The following BRINP3 variants were observed in gnomAD, a reference collection of about 807,000 sequenced individuals.
The protein encoded by BRINP3 is BMP/retinoic acid inducible neural specific 3, also known as BMP/retinoic acid-inducible neural-specific protein 3.
In BRINP3, 19 loss-of-function variants were observed where a neutral mutation model predicts 71.0. That is an observed-to-expected ratio of 0.27 (90% CI 0.19 to 0.39). BRINP3 has a LOEUF of 0.39. Ranked by LOEUF, BRINP3 falls within the 10% of genes least tolerant of loss-of-function variation. The pLI, the probability that BRINP3 is intolerant of heterozygous loss-of-function variation, is 1.00. For synonymous variants in BRINP3, 380 were observed against 337.7 expected (o/e 1.13, Z -1.37); for missense variants, 959 against 940.8 (o/e 1.02, Z -0.25).
chr1:190,185,398 A>T (rs533473945), intron 6 of BRINP3, among the ~76,000 whole-genome samples: 2 of 152,274 alleles, frequency 1.3e-5, no homozygotes, highest in African/African-American at 2.4e-5. Context: ...CCACAATGAG[A>T]TAACATTTCA....
At chr1:190,104,875 A>G (rs1196157204) in intron 7 of BRINP3, among the ~76,000 whole-genome samples, 1 of 152,112 alleles carries the variant, frequency 6.6e-6, no homozygotes, top group Non-Finnish European at 1.5e-5. Flanking sequence ...TTGCTCTCCA[A>G]ATCTGTGCAA....
intron 2 of BRINP3, among the ~76,000 whole-genome samples, chr1:190,332,467 G>T (rs1467479562): frequency 6.6e-6 from 1 of 151,988 alleles, no homozygotes; most frequent in African/African-American, 2.4e-5. Context: ...TACATGTATG[G>T]ATTTCAAATA....
intron 3 of BRINP3, among the ~76,000 whole-genome samples, chr1:190,268,059 C>A (rs1398348513): frequency 6.6e-6 from 1 of 151,902 alleles, no homozygotes; most frequent in Non-Finnish European, 1.5e-5. Flanking sequence ...CCAACAGTAA[C>A]TATTAAAAAT....
chr1:190,393,859 A>C (rs1671409776), intron 2 of BRINP3, among the ~76,000 whole-genome samples: 1 of 151,532 alleles, frequency 6.6e-6, no homozygotes, highest in Non-Finnish European at 1.5e-5. Flanking sequence ...AGTTTTAAAA[A>C]GTGTTTTAAT....
chr1:190,289,995 C>T (rs1031579166), intron 2 of BRINP3, among the ~76,000 whole-genome samples: 2 of 152,016 alleles, frequency 1.3e-5, no homozygotes, highest in South Asian at 2.1e-4. Context: ...TAAATACACT[C>T]GGAATCATGA....
chr1:190,466,909 A>G (rs555924949), intron 1 of BRINP3, among the ~76,000 whole-genome samples: 1 of 151,786 alleles, frequency 6.6e-6, no homozygotes, highest in Middle Eastern at 3.4e-3. Flanking sequence ...TAAAAAAATT[A>G]TTGGAAATGT....
intron 7 of BRINP3, among the ~76,000 whole-genome samples, chr1:190,120,881 G>T (rs928020424): frequency 6.6e-6 from 1 of 151,954 alleles, no homozygotes; most frequent in Non-Finnish European, 1.5e-5. Context: ...TTAAACATAC[G>T]ATTTGAATTA....
chr1:190,317,125 T>C (rs1400896463), intron 2 of BRINP3, among the ~76,000 whole-genome samples: 3 of 145,680 alleles, frequency 2.1e-5, no homozygotes, highest in East Asian at 4.1e-4. Context: ...TGAGCCGAGA[T>C]TGGGCCACTG....
chr1:190,160,581 T>A, intron 7 of BRINP3, 87 bp downstream of exon 7: 1 of 1,050,656 alleles, frequency 9.5e-7, no homozygotes, highest in Non-Finnish European at 1.4e-6. Context: ...ATGATTTGTA[T>A]ATTAACACAC....
chr1:190,420,741 C>G (rs1453110177), intron 2 of BRINP3, among the ~76,000 whole-genome samples: 2 of 151,848 alleles, frequency 1.3e-5, no homozygotes, highest in Non-Finnish European at 2.9e-5. Context: ...AAAATTGAAG[C>G]ATCACAAATT....
chr1:190,159,889 G>A (rs1657198058), intron 7 of BRINP3, among the ~76,000 whole-genome samples: 1 of 151,824 alleles, frequency 6.6e-6, no homozygotes, highest in Admixed American at 6.6e-5. Flanking sequence ...CTAACCTTCA[G>A]GGTTTTTTTT....
chr1:190,429,401 A>T (rs1193577666), intron 2 of BRINP3, among the ~76,000 whole-genome samples: 1 of 152,196 alleles, frequency 6.6e-6, no homozygotes, highest in Non-Finnish European at 1.5e-5. Context: ...TAATGAAGTC[A>T]TGGTTTCCCC....
chr1:190,377,841 G>T (rs1670280722), intron 2 of BRINP3, among the ~76,000 whole-genome samples: 1 of 151,834 alleles, frequency 6.6e-6, no homozygotes, highest in African/African-American at 2.4e-5. Context: ...ACACTGAAAA[G>T]TACAAAATAT....
At chr1:190,477,403 T>A (rs1677568654) in intron 1 of BRINP3, 45 bp downstream of exon 1, 1 of 152,066 alleles carries the variant, frequency 6.6e-6, no homozygotes, top group Non-Finnish European at 1.5e-5. Flanking sequence ...TTATTAAAAA[T>A]AGCAATAGTT....
At chr1:190,236,690 G>T (rs1658551701) in intron 4 of BRINP3, among the ~76,000 whole-genome samples, 1 of 151,864 alleles carries the variant, frequency 6.6e-6, no homozygotes, top group African/African-American at 2.4e-5. Flanking sequence ...TTTGTTTAGA[G>T]AAATAATGTA....
chr1:190,132,968 T>G (rs1233771654), intron 7 of BRINP3, among the ~76,000 whole-genome samples: 2 of 152,024 alleles, frequency 1.3e-5, no homozygotes, highest in African/African-American at 4.8e-5. Flanking sequence ...CTCCTGCCAA[T>G]AGTCATGCTA....
At chr1:190,420,291 C>T (rs929073530) in intron 2 of BRINP3, among the ~76,000 whole-genome samples, 1 of 151,896 alleles carries the variant, frequency 6.6e-6, no homozygotes, top group African/African-American at 2.4e-5. Context: ...GAATGTACAC[C>T]TTTAACAAGA....
chr1:190,474,683 C>G (rs1677379381), intron 1 of BRINP3: 1 of 152,222 alleles, frequency 6.6e-6, no homozygotes, highest in African/African-American at 2.4e-5. Flanking sequence ...ACGGCGTTTC[C>G]CAGCAGAATT....
intron 6 of BRINP3, among the ~76,000 whole-genome samples, chr1:190,200,394 A>G (rs1226849502): frequency 6.6e-6 from 1 of 152,126 alleles, no homozygotes. Flanking sequence ...ACATGAACCA[A>G]TAGATCTTAG....
Sources: allele counts gnomAD v4.1 joint callset (sites outside exome capture counted in the v4.1 genomes callset), GRCh38; gene constraint gnomAD v4.1.1; transcripts MANE v1.5; gene names NCBI Gene and HGNC (gene_info 2026-07-23, HGNC 2026-07-21).